Variants in GRAMD2B observed in about 807,000 individuals in gnomAD.
GRAMD2B encodes the protein GRAM domain containing 2B, also known as GRAM domain-containing protein 2B.
A neutral mutation model predicts 59.2 loss-of-function variants in GRAMD2B; 41 were observed. The ratio of observed to expected loss-of-function variants is 0.69; its 90% confidence interval spans 0.54 to 0.90. The LOEUF is 0.90. Among genes scored for constraint, GRAMD2B ranks in the 40% least tolerant of loss-of-function variants. The pLI is 0.00. For synonymous variants in GRAMD2B, 161 were observed against 182.7 expected (o/e 0.88, Z 0.96); for missense variants, 424 against 500.5 (o/e 0.85, Z 1.46).
intron 4 of GRAMD2B, 48 bp downstream of exon 4, chr5:126,472,352 G>C (rs1439067317): frequency 6.7e-7 from 1 of 1,485,170 alleles, no homozygotes; most frequent in Non-Finnish European, 9.4e-7. Context: ...TTGAAAAGTT[G>C]ATCATTAGTT....
chr5:126,429,340 A>C (rs1761170464), intron 1 of GRAMD2B, among the ~76,000 whole-genome samples: 1 of 152,202 alleles, frequency 6.6e-6, no homozygotes, highest in Non-Finnish European at 1.5e-5. Flanking sequence ...TGATGAGAAC[A>C]CATGGACACA....
At chr5:126,402,285 C>G (rs1757907562) in intron 1 of GRAMD2B, among the ~76,000 whole-genome samples, 1 of 152,058 alleles carries the variant, frequency 6.6e-6, no homozygotes, top group South Asian at 2.1e-4. Flanking sequence ...ATTTTCTCTC[C>G]AAGTGTACCA....
chr5:126,371,246 CCT>C, upstream of GRAMD2B: 1 of 994,598 alleles, frequency 1.0e-6, no homozygotes, highest in Non-Finnish European at 1.2e-6. Context: ...TGAAAACCGC[CCT>C]GTGTCACACT....
At chr5:126,385,017 C>T (rs1049483475) in intron 1 of GRAMD2B, among the ~76,000 whole-genome samples, 2 of 152,196 alleles carry the variant, frequency 1.3e-5, no homozygotes, top group African/African-American at 2.4e-5. Flanking sequence ...ACGATAAATG[C>T]TAGACGGATG....
chr5:126,489,837 G>A (rs1018579989), intron 13 of GRAMD2B, among the ~76,000 whole-genome samples: 7 of 152,148 alleles, frequency 4.6e-5, no homozygotes, highest in Non-Finnish European at 1.0e-4. Flanking sequence ...TGTCACAAAC[G>A]CCCAGTATCT....
chr5:126,448,006 T>A (rs370504827), intron 1 of GRAMD2B, among the ~76,000 whole-genome samples: 2 of 151,066 alleles, frequency 1.3e-5, no homozygotes, highest in African/African-American at 2.4e-5. Flanking sequence ...ATTACAGGCA[T>A]GCACCACCAC....
chr5:126,492,093 C>T (rs1268184914), intron 13 of GRAMD2B, among the ~76,000 whole-genome samples: 1 of 152,200 alleles, frequency 6.6e-6, no homozygotes, highest in Non-Finnish European at 1.5e-5. Flanking sequence ...TTTTTGATGT[C>T]CAACATCGGA....
chr5:126,451,057 G>A (rs994068046), intron 1 of GRAMD2B, among the ~76,000 whole-genome samples: 3 of 152,322 alleles, frequency 2.0e-5, no homozygotes, highest in Admixed American at 6.5e-5. Flanking sequence ...TAGAGCCTCT[G>A]GCAGCTTGCA....
chr5:126,472,350 T>G, intron 4 of GRAMD2B, 46 bp downstream of exon 4: 1 of 1,498,428 alleles, frequency 6.7e-7, no homozygotes, highest in Non-Finnish European at 9.3e-7. Context: ...ATTTGAAAAG[T>G]TGATCATTAG....
intron 1 of GRAMD2B, among the ~76,000 whole-genome samples, chr5:126,404,247 T>C (rs1237270208): frequency 2.0e-5 from 3 of 151,658 alleles, no homozygotes; most frequent in Non-Finnish European, 4.4e-5. Flanking sequence ...AGAGGGAAAA[T>C]GTCAAGGAAA....
chr5:126,467,190 G>A lies in GRAMD2B; in HGVS notation c.203+1645G>A, dbSNP rs913444449. Among the ~76,000 whole-genome samples, 9 of 152,206 alleles carry A rather than the reference G, an allele frequency of 5.9e-5. No homozygotes were observed. The South Asian group carries it at 6.2e-4, about 11-fold the overall frequency. On this transcript the variant is annotated intron_variant, in intron 2 of 13. Coordinates refer to ENST00000285689, the MANE Select transcript of GRAMD2B (RefSeq NM_023927.4). ...CTCAGGAGGCTGAGGCAGAAGAATC[G>A]CTTGAACCCAGAAAGTGGAGGTTGC...
intron 1 of GRAMD2B, among the ~76,000 whole-genome samples, chr5:126,438,859 G>A (rs562217006): frequency 6.4e-4 from 97 of 152,326 alleles, no homozygotes; most frequent in African/African-American, 2.2e-3. Flanking sequence ...GTTGATTGAT[G>A]AGGAGAATAT....
Position 126,492,958 on chromosome 5 carries a change from C to T in GRAMD2B, c.*2C>T, listed in dbSNP as rs528167377. 1.5e-5 allele frequency: 24 copies of T among 1,611,238 alleles called. No homozygotes were observed. The South Asian group carries it at 2.0e-4, about 13-fold the overall frequency. On this transcript the variant is annotated 3_prime_UTR_variant, in exon 14 of 14. Transcript: ENST00000285689. The stretch of plus-strand genomic sequence containing the variant: ...AAGTTGCTTGAGAATGGTGACTGAT[C>T]GACCAGATTGCTTGGGCCATCGGAA...
chr5:126,418,666 A>G (rs575731457), upstream of GRAMD2B, among the ~76,000 whole-genome samples: 161 of 152,324 alleles, frequency 1.1e-3, 1 homozygote, highest in Non-Finnish European at 2.0e-3. Context: ...TTCCATTCCA[A>G]TGTTTCATGG....
intron 1 of GRAMD2B, among the ~76,000 whole-genome samples, chr5:126,410,903 G>A (rs1374956396): frequency 6.6e-6 from 1 of 151,956 alleles, no homozygotes; most frequent in Non-Finnish European, 1.5e-5. Flanking sequence ...CTGTTTGTAT[G>A]TCTTCTTTTG....
chr5:126,423,111 A>G, upstream of GRAMD2B: 1 of 971,488 alleles, frequency 1.0e-6, no homozygotes, highest in Non-Finnish European at 1.2e-6. Context: ...CATTTGTGTG[A>G]CAGGGCGTCC....
intron 1 of GRAMD2B, among the ~76,000 whole-genome samples, chr5:126,447,011 T>C (rs900864537): frequency 6.6e-6 from 1 of 152,182 alleles, no homozygotes; most frequent in Admixed American, 6.5e-5. Flanking sequence ...TATGAGATCA[T>C]TTGGCCTCAG....
chr5:126,370,081 T>C (rs1212221681), upstream of GRAMD2B, among the ~76,000 whole-genome samples: 1 of 152,200 alleles, frequency 6.6e-6, no homozygotes, highest in Non-Finnish European at 1.5e-5. Context: ...AACTGTAGCA[T>C]GAGGGCGCTC....
At chr5:126,410,734 C>G (rs1220798627) in intron 1 of GRAMD2B, among the ~76,000 whole-genome samples, 1 of 151,928 alleles carries the variant, frequency 6.6e-6, no homozygotes, top group Non-Finnish European at 1.5e-5. Context: ...TGTTTTTATA[C>G]ACAACAACAT....
Sources: gnomAD v4.1 joint callset for allele counts (sites outside exome capture counted in the v4.1 genomes callset) on GRCh38, gnomAD v4.1.1 for gene constraint, MANE v1.5 for transcripts, NCBI Gene and HGNC (gene_info 2026-07-23, HGNC 2026-07-21) for gene names.